ASIC2: variants seen among roughly 807,000 people sequenced by gnomAD.
ASIC2 encodes the protein acid-sensing ion channel 2.
ASIC2 carries 25 observed loss-of-function variants against 57.3 expected under a neutral mutation model. The observed-to-expected ratio is 0.44, with a 90% confidence interval of 0.32 to 0.61. ASIC2 has a LOEUF of 0.61. Ranked by LOEUF, ASIC2 falls within the 20% of genes least tolerant of loss-of-function variation. ASIC2 has a pLI of 0.06. For synonymous variants in ASIC2, 319 were observed against 307.5 expected (o/e 1.04, Z -0.39); for missense variants, 641 against 738.1 (o/e 0.87, Z 1.52).
intron 1 of ASIC2, among the ~76,000 whole-genome samples, chr17:33,833,775 G>T (rs187440298): frequency 2.0e-5 from 3 of 152,154 alleles, no homozygotes; most frequent in African/African-American, 7.2e-5. Context: ...ATCTATTGCA[G>T]CTGGGCACAC....
intron 1 of ASIC2, among the ~76,000 whole-genome samples, chr17:33,412,634 T>C (rs1385308934): frequency 2.0e-5 from 3 of 152,174 alleles, no homozygotes; most frequent in African/African-American, 7.2e-5. Flanking sequence ...TTCTCTGTTT[T>C]TTCTGTGGCC....
intron 1 of ASIC2, among the ~76,000 whole-genome samples, chr17:33,700,969 G>A (rs1466856009): frequency 6.6e-6 from 1 of 152,148 alleles, no homozygotes; most frequent in Non-Finnish European, 1.5e-5. Flanking sequence ...GCATTCTAAG[G>A]CTTGCTGTAA....
intron 1 of ASIC2, among the ~76,000 whole-genome samples, chr17:33,748,081 T>C (rs966097301): frequency 2.0e-5 from 3 of 152,246 alleles, no homozygotes; most frequent in African/African-American, 7.2e-5. Flanking sequence ...AGCGCACGCC[T>C]TGAATGTAAC....
intron 1 of ASIC2, among the ~76,000 whole-genome samples, chr17:33,757,708 T>A (rs1243000702): frequency 2.0e-5 from 3 of 152,216 alleles, no homozygotes; most frequent in Non-Finnish European, 4.4e-5. Flanking sequence ...TATTCTGCTC[T>A]CAGGATCCAC....
chr17:33,205,390 CA>C (rs908793745), intron 1 of ASIC2, among the ~76,000 whole-genome samples: 1 of 152,104 alleles, frequency 6.6e-6, no homozygotes, highest in Non-Finnish European at 1.5e-5. Flanking sequence ...TTTGGGAGGA[CA>C]AAAAGGTTTT....
At chr17:34,107,413 GGAA>G (rs1156460851) in intron 1 of ASIC2, among the ~76,000 whole-genome samples, 8 of 152,112 alleles carry the variant, frequency 5.3e-5, no homozygotes, top group East Asian at 3.9e-4. Context: ...GGTTGCTGAG[GGAA>G]GAAGATCACC....
intron 1 of ASIC2, among the ~76,000 whole-genome samples, chr17:33,276,089 G>A (rs1013214549): frequency 6.6e-6 from 1 of 152,258 alleles, no homozygotes; most frequent in Non-Finnish European, 1.5e-5. Flanking sequence ...AGGATACTAT[G>A]GGAGCAGGGG....
intron 2 of ASIC2, among the ~76,000 whole-genome samples, chr17:33,096,708 G>A (rs968951255): frequency 2.6e-5 from 4 of 152,206 alleles, no homozygotes; most frequent in African/African-American, 9.6e-5. Flanking sequence ...GGGCAGAGCA[G>A]GTGTGGCTCG....
chr17:33,222,673 ATGCTGGCC>A (rs1228731009), intron 1 of ASIC2, among the ~76,000 whole-genome samples: 3 of 152,196 alleles, frequency 2.0e-5, no homozygotes, highest in Non-Finnish European at 4.4e-5. Flanking sequence ...CCCTGGCTTA[ATGCTGGCC>A]TGCTGTTCAC....
At chr17:33,156,330 T>C (rs62069670) in intron 1 of ASIC2, among the ~76,000 whole-genome samples, 92,168 of 151,230 alleles carry the variant, frequency 0.61, 28,473 homozygotes, top group African/African-American at 0.7. Flanking sequence ...GTTTCTCCAT[T>C]TTGGCCAGGC....
At position 33,626,521 on chromosome 17, in the gene ASIC2, C is replaced by A. The variant is rs545605201; in HGVS notation, c.556-514454G>T. Among the ~76,000 whole-genome samples the A allele has an allele frequency of 5.5e-4, 83 of 152,214 alleles. 1 individual carries two copies. In the South Asian group the frequency reaches 0.017, roughly 31 times the overall value. ...TGAACAGTCACTATTTAACGAAATG[C>A]GCTCTTCTGTGTACCACCTGAAATC... On this transcript the variant is annotated intron_variant, in intron 1 of 9. Coordinates refer to the ASIC2 transcript ENST00000359872.
rs990445787 is a variant in ASIC2 at position 33,856,165 on chromosome 17, C to T, written c.555+299813G>A. Among the ~76,000 whole-genome samples the T allele has an allele frequency of 8.5e-5, 13 of 152,148 alleles. No individual in the cohort carries two copies. In the South Asian group the frequency reaches 1.0e-3, roughly 12 times the overall value. On this transcript the variant is annotated intron_variant, in intron 1 of 9. Coordinates refer to the ASIC2 transcript ENST00000359872. Reference sequence around the variant, plus strand: ...AACAGGGACTCTGACATCTGACTGGCCTACCTCTTACCAGCTGGGTGGCTT... The same window carrying T: ...AACAGGGACTCTGACATCTGACTGGTCTACCTCTTACCAGCTGGGTGGCTT...
chr17:33,490,989 G>A (rs1913737546), intron 1 of ASIC2, among the ~76,000 whole-genome samples: 1 of 152,014 alleles, frequency 6.6e-6, no homozygotes, highest in Admixed American at 6.6e-5. Context: ...CTGTTCTAGG[G>A]GACCTTTCTG....
At chr17:33,538,905 T>G (rs1831819405) in intron 1 of ASIC2, among the ~76,000 whole-genome samples, 2 of 152,228 alleles carry the variant, frequency 1.3e-5, no homozygotes, top group African/African-American at 4.8e-5. Flanking sequence ...GATAACAATC[T>G]TCTAAATCTA....
intron 1 of ASIC2, among the ~76,000 whole-genome samples, chr17:33,836,892 A>G (rs1319728922): frequency 1.3e-5 from 2 of 152,206 alleles, no homozygotes; most frequent in African/African-American, 4.8e-5. Flanking sequence ...AGGTCACAAA[A>G]CAAAAAAGAT....
Position 33,154,207 on chromosome 17 carries a change from A to C in ASIC2, c.709-42140T>G, listed in dbSNP as rs549890548. Among the ~76,000 whole-genome samples the C allele has an allele frequency of 5.9e-5, 9 of 152,230 alleles. No individual in the cohort carries two copies. In the South Asian group the frequency reaches 1.2e-3, roughly 21 times the overall value. ...TCTTTTTGAGAGGCAGGGTCTCACT[A>C]TGTTGCCCAGGCTTGGGTGCAGTGG... is the stretch of plus-strand genomic sequence containing the variant. On this transcript the variant is annotated intron_variant, in intron 1 of 9. Transcript: ENST00000225823.
At chr17:33,813,152 AG>A (rs1912474260) in intron 1 of ASIC2, among the ~76,000 whole-genome samples, 1 of 152,116 alleles carries the variant, frequency 6.6e-6, no homozygotes, top group Admixed American at 6.5e-5. Flanking sequence ...GGTCCTTTAA[AG>A]GCCTGTAGAA....
intron 1 of ASIC2, among the ~76,000 whole-genome samples, chr17:33,927,023 G>C (rs1209464453): frequency 6.6e-6 from 1 of 152,110 alleles, no homozygotes. Flanking sequence ...CAGTCTCCTG[G>C]GTTCAAGAGA....
intron 1 of ASIC2, chr17:34,155,974 T>C (rs1904704817): frequency 6.3e-7 from 1 of 1,598,056 alleles, no homozygotes; most frequent in South Asian, 1.1e-5. Context: ...AACCAAGTAC[T>C]CACTGTGGTG....
Sources: allele counts gnomAD v4.1 joint callset (sites outside exome capture counted in the v4.1 genomes callset), GRCh38; gene constraint gnomAD v4.1.1; transcripts MANE v1.5; gene names NCBI Gene and HGNC (gene_info 2026-07-23, HGNC 2026-07-21).